Variants in SLC12A1 observed in about 807,000 individuals in gnomAD.
The protein encoded by SLC12A1 is Na-K-2Cl cotransporter.
A neutral mutation model predicts 130.4 loss-of-function variants in SLC12A1; 89 were observed. That is an observed-to-expected ratio of 0.68 (90% CI 0.58 to 0.81). The LOEUF (loss-of-function observed/expected upper bound fraction) is 0.81. Ranked by LOEUF, SLC12A1 falls within the 40% of genes least tolerant of loss-of-function variation. The probability of loss-of-function intolerance (pLI) is 0.00; values close to 1 mark genes in which losing one functional copy is unlikely to be tolerated. For missense variants in SLC12A1, 1,310 were observed against 1,336.4 expected, an observed-to-expected ratio of 0.98 and a Z score of 0.31; for synonymous variants, 499 against 460.0, an observed-to-expected ratio of 1.08 and a Z score of -1.09.
intron 12 of SLC12A1, 69 bp downstream of exon 12, chr15:48,247,085 T>TA (rs1391801353): frequency 3.9e-6 from 5 of 1,293,306 alleles, no homozygotes; most frequent in Non-Finnish European, 5.6e-6. Flanking sequence ...CAAGCTGAAA[T>TA]ATTCGTTCTC....
At chr15:48,279,455 A>G (rs1597450440) in intron 20 of SLC12A1, among the ~76,000 whole-genome samples, 1 of 152,348 alleles carries the variant, frequency 6.6e-6, no homozygotes, top group East Asian at 1.9e-4. Context: ...ATAATTTACC[A>G]GCTAACGACA....
At chr15:48,277,872 T>C (rs2041970306) in intron 20 of SLC12A1, among the ~76,000 whole-genome samples, 1 of 152,186 alleles carries the variant, frequency 6.6e-6, no homozygotes, top group Non-Finnish European at 1.5e-5. Context: ...ATCAAGTGTT[T>C]GTATAAGACA....
chr15:48,246,642 G>A (rs1245055099), intron 11 of SLC12A1, among the ~76,000 whole-genome samples: 3 of 152,102 alleles, frequency 2.0e-5, no homozygotes, highest in Non-Finnish European at 2.9e-5. Context: ...TTAGCGAGGC[G>A]TGGTAGCAGG....
intron 4 of SLC12A1, chr15:48,225,818 A>T (rs190643172): frequency 1.3e-6 from 1 of 750,790 alleles, no homozygotes; most frequent in Admixed American, 6.2e-5. Context: ...TTCTTCCACC[A>T]TTTAATACCT....
chr15:48,232,906 T>G (rs2041398434), intron 8 of SLC12A1, 68 bp downstream of exon 8: 2 of 928,702 alleles, frequency 2.2e-6, no homozygotes, highest in African/African-American at 1.6e-5. Flanking sequence ...ACCATCCCCA[T>G]CAACCCAACC....
chr15:48,226,616 T>C, intron 5 of SLC12A1, 45 bp downstream of exon 5: 1 of 1,162,862 alleles, frequency 8.6e-7, no homozygotes, highest in South Asian at 1.3e-5. Flanking sequence ...TTGCTACGGG[T>C]AGGCGAACAA....
At chr15:48,276,461 C>T (rs1267352760) in intron 20 of SLC12A1, among the ~76,000 whole-genome samples, 1 of 152,060 alleles carries the variant, frequency 6.6e-6, no homozygotes, top group Non-Finnish European at 1.5e-5. Flanking sequence ...TGGGTGGGCC[C>T]TAATCCAATA....
chr15:48,262,163 A>G (rs559430642), intron 17 of SLC12A1, among the ~76,000 whole-genome samples: 2 of 152,304 alleles, frequency 1.3e-5, no homozygotes, highest in African/African-American at 4.8e-5. Flanking sequence ...TGGATTTTGA[A>G]CTTTTTAAGT....
chr15:48,247,267 T>C, intron 12 of SLC12A1, 70 bp from the exon 13 acceptor site: 1 of 1,499,808 alleles, frequency 6.7e-7, no homozygotes, highest in East Asian at 2.3e-5. Context: ...AATCTTCTTG[T>C]TTGAATCACC....
chr15:48,233,305 A>G (rs569299463), intron 8 of SLC12A1, among the ~76,000 whole-genome samples: 4 of 152,338 alleles, frequency 2.6e-5, no homozygotes, highest in African/African-American at 9.6e-5. Flanking sequence ...GAAACAAATA[A>G]GACAGTGGAT....
At position 48,273,150 on chromosome 15, in the gene SLC12A1, G is replaced by A. The variant is rs9806240; in HGVS notation, c.2403-1421G>A. On this transcript the variant is annotated intron_variant, in intron 19 of 26. Coordinates refer to ENST00000380993, the MANE Select transcript of SLC12A1 (RefSeq NM_000338.3). Reference sequence around the variant, plus strand: ...CACTTGATTATCTTACAGTTCTGTCGATTAGTCTGGCACGTGTGGGCCAGG... The same window carrying A: ...CACTTGATTATCTTACAGTTCTGTCAATTAGTCTGGCACGTGTGGGCCAGG... Among the ~76,000 whole-genome samples, 989 of 150,202 alleles carry A rather than the reference G, an allele frequency of 6.6e-3. 7 individuals carry two copies. Among genetic ancestry groups the A allele is most frequent in the African/African-American group, 0.023 (944 of 40,808 alleles).
chr15:48,291,372 A>G (rs2042119373), intron 23 of SLC12A1, among the ~76,000 whole-genome samples: 1 of 151,642 alleles, frequency 6.6e-6, no homozygotes, highest in Non-Finnish European at 1.5e-5. Flanking sequence ...TCATCTTATG[A>G]TATATTGTAT....
In SLC12A1 at chr15:48,235,004, G is replaced by A. The variant is rs754151059; in HGVS notation, c.1215G>A (p.Glu405=). 18 of 1,613,744 alleles carry A rather than the reference G, an allele frequency of 1.1e-5. No individual in the cohort carries two copies. The South Asian group carries it at 2.0e-4, about 18-fold the overall frequency. The part of the protein sequence containing the change: ...LAGANISGDL[E]DPQDAIPRGT... ...GTGCCAATATCTCAGGAGATTTGGA[G>A]GTACGTTGTTTGCTCTGCTTTGCAG... The change falls in exon 9 of 27, where the codon GAG becomes GAA. Residue 405 remains glutamate (E), a splice_region_variant and synonymous_variant. Coordinates refer to ENST00000380993, the MANE Select transcript of SLC12A1 (RefSeq NM_000338.3).
chr15:48,269,005 G>C, intron 18 of SLC12A1, among the ~76,000 whole-genome samples: 1 of 152,228 alleles, frequency 6.6e-6, no homozygotes, highest in African/African-American at 2.4e-5. Flanking sequence ...TGAAGTACAG[G>C]AGAACCATGG....
At chr15:48,265,436 C>T (rs566382372) in intron 17 of SLC12A1, among the ~76,000 whole-genome samples, 3 of 152,188 alleles carry the variant, frequency 2.0e-5, no homozygotes, top group Non-Finnish European at 4.4e-5. Flanking sequence ...TATCTAATGG[C>T]TGCTGTAACC....
Position 48,301,321 on chromosome 15 carries a change from C to A in SLC12A1, c.3103C>A (p.Arg1035Ser), listed in dbSNP as rs746030141. Residue 1035 changes from arginine (R) to serine (S), a missense_variant, in exon 26 of 27, where the codon CGC becomes AGC. Physicochemically the swap from Arg to Ser is moderately radical, Grantham distance 110 (BLOSUM62 -1). Transcript: ENST00000380993. ...ATCTGAATGTTGCCCACAGAGTTAC[C>A]GCCAAGTTCGACTGAATGAACTCTT... ...ELEAVKEKSY[R>S]QVRLNELLQE... The A allele has an allele frequency of 6.3e-7, 1 of 1,599,248 alleles. No individual in the cohort carries two copies. The highest frequency in any genetic ancestry group is 8.5e-7 in the Non-Finnish European group (1 of 1,172,082).
intron 19 of SLC12A1, 75 bp from the exon 20 acceptor site, chr15:48,274,496 A>G: frequency 1.1e-6 from 1 of 894,144 alleles, no homozygotes; most frequent in Non-Finnish European, 1.8e-6. Flanking sequence ...TCCTAGAAGC[A>G]AGTGTAATAC....
At chr15:48,237,036 G>A (rs975870358) in intron 9 of SLC12A1, 11 of 702,444 alleles carry the variant, frequency 1.6e-5, no homozygotes, top group African/African-American at 5.2e-5. Flanking sequence ...GCTCAGAGTC[G>A]AAGGAGGAGA....
intron 23 of SLC12A1, among the ~76,000 whole-genome samples, chr15:48,290,066 A>G (rs2042103425): frequency 6.6e-6 from 1 of 152,246 alleles, no homozygotes; most frequent in South Asian, 2.1e-4. Flanking sequence ...CGTATTGTAC[A>G]GCTATGCAAA....
Sources: gnomAD v4.1 joint callset for allele counts (sites outside exome capture counted in the v4.1 genomes callset) on GRCh38, gnomAD v4.1.1 for gene constraint, MANE v1.5 for transcripts, NCBI Gene and HGNC (gene_info 2026-07-23, HGNC 2026-07-21) for gene names.